The following CACNA2D1 variants were observed in gnomAD, a reference collection of about 807,000 sequenced individuals.
CACNA2D1 encodes voltage-dependent calcium channel subunit alpha-2/delta-1.
CACNA2D1 carries 53 observed loss-of-function variants against 171.5 expected under a neutral mutation model. The ratio of observed to expected loss-of-function variants is 0.31; its 90% CI spans 0.25 to 0.39. The LOEUF (loss-of-function observed/expected upper bound fraction) is 0.39. Ranked by LOEUF, CACNA2D1 falls within the 10% of genes least tolerant of loss-of-function variation. CACNA2D1 has a pLI of 1.00. For synonymous variants in CACNA2D1, 442 were observed against 443.1 expected, an observed-to-expected ratio of 1.00 and a Z score of 0.03; for missense variants, 903 against 1,299.8, an observed-to-expected ratio of 0.69 and a Z score of 4.69.
chr7:82,213,008 C>A (rs1800728859), intron 3 of CACNA2D1, among the ~76,000 whole-genome samples: 3 of 151,824 alleles, frequency 2.0e-5, no homozygotes, highest in Admixed American at 2.0e-4. Context: ...TCACACAATT[C>A]TCCTGTGTCA....
rs1826499311 is a variant in CACNA2D1 at position 82,402,150 on chromosome 7, AAG to A, written c.95+41213_95+41214del. Among the ~76,000 whole-genome samples, 3 of 152,334 alleles carry A rather than the reference AAG, an allele frequency of 2.0e-5. No individual in the cohort carries two copies. The South Asian group carries it at 6.2e-4, about 32-fold the overall frequency. On this transcript the variant is annotated intron_variant, in intron 1 of 38. Coordinates refer to ENST00000356860, the MANE Select transcript of CACNA2D1 (RefSeq NM_000722.4). Reference sequence around the variant, plus strand: ...AGGGAAGAAATCATCTGAATTCTGAAAGAGAAGATGACATTCACAAGGAGGCT... The same window carrying A: ...AGGGAAGAAATCATCTGAATTCTGAAAGAAGATGACATTCACAAGGAGGCT...
chr7:82,118,245 T>C (rs1584810916), intron 5 of CACNA2D1, among the ~76,000 whole-genome samples: 1 of 152,258 alleles, frequency 6.6e-6, no homozygotes, highest in East Asian at 1.9e-4. Flanking sequence ...TGCCTTCCCC[T>C]GGTAACAAAC....
intron 3 of CACNA2D1, 108 bp from the exon 4 acceptor site, chr7:82,170,717 G>A: frequency 3.2e-6 from 3 of 942,142 alleles, no homozygotes; most frequent in Non-Finnish European, 5.2e-6. Flanking sequence ...AAAAGCAGAA[G>A]ATGATCCTTA....
intron 3 of CACNA2D1, among the ~76,000 whole-genome samples, chr7:82,206,765 T>A (rs1171954870): frequency 1.3e-5 from 2 of 152,148 alleles, no homozygotes; most frequent in Admixed American, 6.6e-5. Context: ...CTTGGAAGAA[T>A]AACAACTAAC....
intron 6 of CACNA2D1, among the ~76,000 whole-genome samples, chr7:82,089,440 G>A (rs1283064002): frequency 1.3e-5 from 2 of 152,102 alleles, no homozygotes; most frequent in Non-Finnish European, 2.9e-5. Context: ...GATGTCCAAG[G>A]CCAAGCCTAC....
chr7:82,421,243 C>T (rs1258930822), intron 1 of CACNA2D1, among the ~76,000 whole-genome samples: 1 of 152,156 alleles, frequency 6.6e-6, no homozygotes, highest in African/African-American at 2.4e-5. Flanking sequence ...TGACTTTATG[C>T]CAAGACATTG....
chr7:81,967,136 G>A (rs1405260355), intron 31 of CACNA2D1, 33 bp downstream of exon 31: 2 of 1,526,196 alleles, frequency 1.3e-6, no homozygotes, highest in South Asian at 1.1e-5. Flanking sequence ...AGGAAATATT[G>A]TACTCAAAAG....
chr7:82,385,014 G>A (rs1824170661), intron 1 of CACNA2D1, among the ~76,000 whole-genome samples: 1 of 152,140 alleles, frequency 6.6e-6, no homozygotes, highest in South Asian at 2.1e-4. Flanking sequence ...TAATATAAAA[G>A]CTTTCTCCTC....
intron 1 of CACNA2D1, among the ~76,000 whole-genome samples, chr7:82,420,656 A>G (rs1056166444): frequency 3.3e-5 from 5 of 152,186 alleles, no homozygotes; most frequent in South Asian, 2.1e-4. Context: ...CTTCTCTATG[A>G]TACACTTTAA....
At chr7:82,364,184 T>C (rs767483239) in intron 1 of CACNA2D1, among the ~76,000 whole-genome samples, 5 of 152,104 alleles carry the variant, frequency 3.3e-5, no homozygotes, top group Non-Finnish European at 5.9e-5. Context: ...GATCATGTCA[T>C]TGCACTCCAG....
Position 82,384,659 on chromosome 7 carries a change from A to C in CACNA2D1, c.96-35010T>G, listed in dbSNP as rs954731473. Reference sequence around the variant, plus strand: ...AAGAAGAGGGAGGAAAAAAGAAAAAACTTTTGTCTGGAAAGAACTTGTTTT... The same window carrying C: ...AAGAAGAGGGAGGAAAAAAGAAAAACCTTTTGTCTGGAAAGAACTTGTTTT... On this transcript the variant is annotated intron_variant, in intron 1 of 38. Coordinates refer to ENST00000356860, the MANE Select transcript of CACNA2D1 (RefSeq NM_000722.4). Among the ~76,000 whole-genome samples the C allele has an allele frequency of 2.3e-4, 35 of 152,254 alleles. 1 individual carries two copies. Among genetic ancestry groups the C allele is most frequent in the East Asian group, 1.7e-3 (9 of 5,180 alleles).
chr7:82,311,894 C>T (rs955903199), intron 3 of CACNA2D1, among the ~76,000 whole-genome samples: 5 of 152,046 alleles, frequency 3.3e-5, no homozygotes, highest in Non-Finnish European at 5.9e-5. Flanking sequence ...AAAAAATTCC[C>T]GACCTTGTTG....
chr7:82,370,403 G>GA (rs940667046), intron 1 of CACNA2D1, among the ~76,000 whole-genome samples: 9 of 151,632 alleles, frequency 5.9e-5, no homozygotes, highest in African/African-American at 2.2e-4. Flanking sequence ...AAATTATCAG[G>GA]AAAAAATGAT....
At chr7:81,983,197 G>T in intron 23 of CACNA2D1, 117 bp downstream of exon 23, 1 of 864,416 alleles carries the variant, frequency 1.2e-6, no homozygotes, top group Non-Finnish European at 1.9e-6. Context: ...GAGTGATCAT[G>T]AAGGAAAATT....
chr7:82,256,146 G>A (rs148889691), intron 3 of CACNA2D1, among the ~76,000 whole-genome samples: 47 of 152,194 alleles, frequency 3.1e-4, no homozygotes, highest in Middle Eastern at 3.4e-3. Flanking sequence ...GCGTGGAGGT[G>A]GGTGCCTATA....
intron 21 of CACNA2D1, among the ~76,000 whole-genome samples, chr7:81,986,567 G>GA (rs953134307): frequency 8.8e-5 from 13 of 147,702 alleles, no homozygotes; most frequent in African/African-American, 2.5e-4. Flanking sequence ...CTATGAAAAG[G>GA]AAAAAAAAAG....
intron 5 of CACNA2D1, among the ~76,000 whole-genome samples, chr7:82,126,866 C>A (rs1790385196): frequency 2.0e-5 from 3 of 152,132 alleles, no homozygotes; most frequent in African/African-American, 7.2e-5. Flanking sequence ...CTGCAACACC[C>A]AAATAAAGCT....
intron 24 of CACNA2D1, among the ~76,000 whole-genome samples, chr7:81,976,072 G>C (rs1331732563): frequency 6.6e-6 from 1 of 150,946 alleles, no homozygotes; most frequent in Admixed American, 6.6e-5. Flanking sequence ...AGACATCCAA[G>C]TTACTCTGGG....
At chr7:81,983,480 A>T (rs375438033) in intron 22 of CACNA2D1, 146 bp from the exon 23 acceptor site, 5 of 688,156 alleles carry the variant, frequency 7.3e-6, no homozygotes, top group East Asian at 2.7e-5. Context: ...GTACAGCTGT[A>T]GTCTGAGGAA....
Sources: gnomAD v4.1 joint callset for allele counts (sites outside exome capture counted in the v4.1 genomes callset) on GRCh38, gnomAD v4.1.1 for gene constraint, MANE v1.5 for transcripts, NCBI Gene and HGNC (gene_info 2026-07-23, HGNC 2026-07-21) for gene names.